The following TDRD1 variants were observed in gnomAD, a reference collection of about 807,000 sequenced individuals.
TDRD1 encodes tudor domain containing 1.
In TDRD1, 37 loss-of-function variants were observed where a neutral mutation model predicts 140.6. The observed-to-expected ratio is 0.26, with a 90% confidence interval of 0.20 to 0.35. The LOEUF (loss-of-function observed/expected upper bound fraction) is 0.35, where lower values mean the gene tolerates loss of function less well. Ranked by LOEUF, TDRD1 falls within the 10% of genes least tolerant of loss-of-function variation. TDRD1 has a pLI of 1.00. For synonymous variants in TDRD1, 506 were observed against 475.7 expected (o/e 1.06, Z -0.83); for missense variants, 1,243 against 1,393.0 (o/e 0.89, Z 1.71).
chr10:114,203,075 G>A (rs1161760478), exon 7 of TDRD1: 1 of 1,610,260 alleles, frequency 6.2e-7, no homozygotes, highest in Non-Finnish European at 8.5e-7. Flanking sequence ...AAACCAGAGT[G>A]ACTGTCCACT....
chr10:114,185,440 T>A (rs2033439009), intron 1 of TDRD1, among the ~76,000 whole-genome samples: 1 of 152,124 alleles, frequency 6.6e-6, no homozygotes, highest in South Asian at 2.1e-4. Flanking sequence ...TCCACCTGCC[T>A]TGGCCTCCCA....
intron 11 of TDRD1, among the ~76,000 whole-genome samples, chr10:114,209,299 C>T (rs1466165269): frequency 6.6e-6 from 1 of 152,212 alleles, no homozygotes; most frequent in Non-Finnish European, 1.5e-5. Flanking sequence ...AGATCTCCCA[C>T]TCCACCTATG....
intron 20 of TDRD1, among the ~76,000 whole-genome samples, chr10:114,222,304 TCA>T (rs937965164): frequency 6.6e-6 from 1 of 152,186 alleles, no homozygotes; most frequent in African/African-American, 2.4e-5. Context: ...TAATAAGTTT[TCA>T]CAGAGTGAAC....
exon 12 of TDRD1, chr10:114,210,722 T>A: frequency 6.2e-7 from 1 of 1,611,062 alleles, no homozygotes; most frequent in Non-Finnish European, 8.5e-7. Flanking sequence ...CCAGAAGACT[T>A]CTTTTGTCAA....
chr10:114,212,271 T>A (rs1412789121), intron 14 of TDRD1, among the ~76,000 whole-genome samples: 2 of 152,216 alleles, frequency 1.3e-5, no homozygotes, highest in Non-Finnish European at 2.9e-5. Flanking sequence ...CAGAGGGCAT[T>A]ACATTTGCAG....
At chr10:114,210,278 T>G (rs1446217386) in intron 11 of TDRD1, among the ~76,000 whole-genome samples, 1 of 152,180 alleles carries the variant, frequency 6.6e-6, no homozygotes, top group Non-Finnish European at 1.5e-5. Context: ...CCAAATTACA[T>G]TTTCTTGAAC....
chr10:114,227,770 A>G, intron 23 of TDRD1, 140 bp from the exon 24 acceptor site: 1 of 654,114 alleles, frequency 1.5e-6, no homozygotes, highest in Non-Finnish European at 2.7e-6. Flanking sequence ...GATAATCTCA[A>G]AGCCCAAATG....
chr10:114,177,629 T>C (rs1181741672), upstream of TDRD1, among the ~76,000 whole-genome samples: 6 of 152,112 alleles, frequency 3.9e-5, no homozygotes, highest in Non-Finnish European at 8.8e-5. Context: ...GATATCCTGA[T>C]GAGATCTTGC....
chr10:114,228,612 C>A, intron 25 of TDRD1: 2 of 985,362 alleles, frequency 2.0e-6, no homozygotes, highest in Non-Finnish European at 2.4e-6. Context: ...GGGTATTTTT[C>A]ATTTAAAAAC....
Position 114,231,011 on chromosome 10 carries a change from G to A in TDRD1, c.3539-475G>A, listed in dbSNP as rs577191931. ...GAACCCAGGAGCCGAAGGTTGCAGT[G>A]AGCCGAGATGGCACCACTGCACTCC... On this transcript the variant is annotated intron_variant, in intron 25 of 25. Transcript: ENST00000251864. Among the ~76,000 whole-genome samples, 503 of 152,314 alleles carry A rather than the reference G, an allele frequency of 3.3e-3. 1 individual carries two copies. The highest frequency in any genetic ancestry group is 9.9e-3 in the Admixed American group (152 of 15,308).
intron 6 of TDRD1, 53 bp from the exon 7 acceptor site, chr10:114,203,019 C>T: frequency 8.3e-7 from 1 of 1,199,542 alleles, no homozygotes; most frequent in East Asian, 2.3e-5. Context: ...GCCATAGAAT[C>T]ATTGAAACAT....
At chr10:114,222,419 G>GT (rs1049954652) in intron 20 of TDRD1, among the ~76,000 whole-genome samples, 168 bp from the exon 21 acceptor site, 36 of 152,096 alleles carry the variant, frequency 2.4e-4, no homozygotes, top group African/African-American at 8.7e-4. Context: ...GCAACCAATA[G>GT]TGGGTATATT....
At chr10:114,180,283 C>T (rs535721898) in intron 1 of TDRD1, among the ~76,000 whole-genome samples, 3 of 152,208 alleles carry the variant, frequency 2.0e-5, no homozygotes, top group African/African-American at 4.8e-5. Flanking sequence ...ATTTAATTCT[C>T]GTGATTAGGA....
intron 11 of TDRD1, among the ~76,000 whole-genome samples, chr10:114,207,013 AGGACAGTGTTTCT>A (rs2035165545): frequency 6.6e-6 from 1 of 152,226 alleles, no homozygotes; most frequent in African/African-American, 2.4e-5. Flanking sequence ...CTGTTCCAGT[AGGACAGTGTTTCT>A]GATGACTGTT....
At chr10:114,198,535 G>A (rs562887364) in intron 3 of TDRD1, among the ~76,000 whole-genome samples, 1 of 152,220 alleles carries the variant, frequency 6.6e-6, no homozygotes, top group South Asian at 2.1e-4. Flanking sequence ...GTGGGTGGGA[G>A]TGGGGCCACA....
At chr10:114,207,587 G>T (rs1221522526) in intron 11 of TDRD1, among the ~76,000 whole-genome samples, 2 of 152,058 alleles carry the variant, frequency 1.3e-5, no homozygotes, top group Non-Finnish European at 2.9e-5. Context: ...TTTAGAGAAG[G>T]AAACCAAACA....
chr10:114,193,967 C>A (rs78844921), intron 3 of TDRD1, among the ~76,000 whole-genome samples: 1,610 of 152,246 alleles, frequency 0.011, 20 homozygotes, highest in African/African-American at 0.037. Flanking sequence ...GTAGTGACTT[C>A]TTTTCCTTTA....
intron 1 of TDRD1, among the ~76,000 whole-genome samples, 193 bp from the exon 2 acceptor site, chr10:114,187,633 C>G (rs962912052): frequency 2.0e-5 from 3 of 152,156 alleles, no homozygotes; most frequent in Non-Finnish European, 4.4e-5. Context: ...TGTTAGAGTT[C>G]ATACTTACAG....
At chr10:114,209,781 C>G (rs1196853698) in intron 11 of TDRD1, among the ~76,000 whole-genome samples, 1 of 152,160 alleles carries the variant, frequency 6.6e-6, no homozygotes, top group African/African-American at 2.4e-5. Flanking sequence ...TTTAATAAGT[C>G]TATAATCTAG....
Sources: allele counts gnomAD v4.1 joint callset (sites outside exome capture counted in the v4.1 genomes callset), GRCh38; gene constraint gnomAD v4.1.1; transcripts MANE v1.5; gene names NCBI Gene and HGNC (gene_info 2026-07-23, HGNC 2026-07-21).